The following LONRF2 variants were observed in gnomAD, a reference collection of about 807,000 sequenced individuals.
LONRF2 encodes LON peptidase N-terminal domain and ring finger 2.
A neutral mutation model predicts 66.6 loss-of-function variants in LONRF2; 35 were observed. The ratio of observed to expected loss-of-function variants is 0.53; its 90% CI spans 0.40 to 0.70. LONRF2 has a LOEUF of 0.70. LONRF2 is among the 30% of genes least tolerant of loss of function. The probability of loss-of-function intolerance (pLI) is 0.00; values close to 1 mark genes in which losing one functional copy is unlikely to be tolerated. For missense variants in LONRF2, 902 were observed against 1,002.1 expected, an observed-to-expected ratio of 0.90 and a Z score of 1.35; for synonymous variants, 417 against 418.1, an observed-to-expected ratio of 1.00 and a Z score of 0.03.
rs577680161 is a variant in LONRF2, at chr2:100,278,192, T to C, written c.*6106A>G. 1 of 152,166 alleles carries C rather than the reference T, an allele frequency of 6.6e-6. No individual in the cohort carries two copies. Among genetic ancestry groups the C allele is most frequent in the East Asian group, 1.9e-4 (1 of 5,192 alleles). 9.4% of individuals were successfully genotyped at this position (152,166 alleles called of 1,614,324 possible). A position where few individuals can be genotyped will look rare whatever the true frequency, so the allele number is the denominator to read the frequency against. ...TCTCTCTTAATTTAGGGCCTTTCGG[T>C]TGACTCACACCTCACACAAACTTTA... is the stretch of plus-strand genomic sequence containing the variant. On this transcript the variant is annotated 3_prime_UTR_variant, in exon 12 of 12. Coordinates refer to ENST00000393437, the MANE Select transcript of LONRF2 (RefSeq NM_198461.4).
chr2:100,289,860 C>T (rs543619234), intron 10 of LONRF2, among the ~76,000 whole-genome samples: 9 of 152,236 alleles, frequency 5.9e-5, no homozygotes, highest in East Asian at 1.9e-4. Context: ...GGGGCTACTA[C>T]ACTTTGGTTG....
Position 100,277,629 on chromosome 2 carries a change from T to TGG in LONRF2, c.*6667_*6668dup, listed in dbSNP as rs1218462139. The TGG allele has an allele frequency of 2.0e-5, 3 of 152,148 alleles. No individual in the cohort carries two copies. Among genetic ancestry groups the TGG allele is most frequent in the Non-Finnish European group, 4.4e-5 (3 of 68,042 alleles). 9.4% of individuals were successfully genotyped at this position (152,148 alleles called of 1,614,324 possible). ...GCATTGCCAACCCTCATATAAATGA[T>TGG]GGAGCCCAAGAGAATGTTGCTGCTT... On this transcript the variant is annotated 3_prime_UTR_variant, in exon 12 of 12. Coordinates refer to ENST00000393437, the MANE Select transcript of LONRF2 (RefSeq NM_198461.4).
chr2:100,315,019 A>T (rs1024081450), intron 1 of LONRF2, among the ~76,000 whole-genome samples: 3 of 152,210 alleles, frequency 2.0e-5, no homozygotes, highest in Non-Finnish European at 2.9e-5. Context: ...CACTGAATTT[A>T]CCATTCAATC....
rs535642654 is a variant in LONRF2, at chr2:100,284,141, T to C, written c.*157A>G. ...AGGTCAGATCCCACCAGACACAGAATTGTCATTTTTGAGGAGGACTCAATG... is the reference window on the plus strand; with the variant it reads ...AGGTCAGATCCCACCAGACACAGAACTGTCATTTTTGAGGAGGACTCAATG... On this transcript the variant is annotated 3_prime_UTR_variant, in exon 12 of 12. Transcript: ENST00000393437. 6.7e-5 allele frequency: 44 copies of C among 653,972 alleles called. No individual in the cohort carries two copies. The highest frequency in any genetic ancestry group is 5.5e-4 in the African/African-American group (30 of 54,264). 40.5% of individuals were successfully genotyped at this position (653,972 alleles called of 1,614,324 possible).
At chr2:100,290,623 T>C (rs1674940469) in intron 9 of LONRF2, among the ~76,000 whole-genome samples, 1 of 152,224 alleles carries the variant, frequency 6.6e-6, no homozygotes, top group Non-Finnish European at 1.5e-5. Flanking sequence ...TGATGGTGGC[T>C]GCAGGGGAAG....
rs992490191 is a variant in LONRF2, at chr2:100,284,339, T to C, written c.2224A>G (p.Ser742Gly). The change falls in exon 12 of 12, where the codon AGT (serine) becomes GGT (glycine). Residue 742 changes from serine (S) to glycine (G), a missense_variant. Ser to Gly is a moderately conservative substitution (Grantham distance 56, BLOSUM62 0). This residue lies in a region of LONRF2 where 317 missense variants were observed against 432.2 expected (regional missense o/e 0.73). Transcript: ENST00000393437. ...CTGGCATTAGCCAGCTCTTGCCGACTATTCATCTTACGCGTGATGATGACT... is the reference window on the plus strand; with the variant it reads ...CTGGCATTAGCCAGCTCTTGCCGACCATTCATCTTACGCGTGATGATGACT... Reference protein sequence around the residue: ...ILVIITRKMNSRQELANARER... With the variant: ...ILVIITRKMNGRQELANARER... 2 of 1,583,372 alleles carry C rather than the reference T, an allele frequency of 1.3e-6. No homozygotes were observed. The highest frequency in any genetic ancestry group is 2.7e-5 in the African/African-American group (2 of 74,482).
chr2:100,302,579 A>G (rs1675206646), intron 3 of LONRF2, among the ~76,000 whole-genome samples: 1 of 152,234 alleles, frequency 6.6e-6, no homozygotes, highest in African/African-American at 2.4e-5. Flanking sequence ...GTCACCCTAT[A>G]GAGCCGAATT....
Position 100,321,987 on chromosome 2 carries a change from G to A in LONRF2, c.107C>T (p.Ala36Val). Reference sequence around the variant, plus strand: ...CTCGGCTGCCATCTCGTAGTCGCCCGCGCGGAAGGCCTCGTCGCCCTCCTC... The same window carrying A: ...CTCGGCTGCCATCTCGTAGTCGCCCACGCGGAAGGCCTCGTCGCCCTCCTC... ...RLEEGDEAFRAGDYEMAAELF... is the reference protein window; with the variant it reads ...RLEEGDEAFRVGDYEMAAELF... Residue 36 changes from alanine to valine, a missense_variant, in exon 1 of 12, where the codon GCG becomes GTG. Ala to Val is a moderately conservative substitution (Grantham distance 64). Transcript: ENST00000393437. 8 of 1,462,586 alleles carry A rather than the reference G, an allele frequency of 5.5e-6. No individual in the cohort carries two copies. The highest frequency in any genetic ancestry group is 6.3e-6 in the Non-Finnish European group (7 of 1,108,770). 90.6% of individuals were successfully genotyped at this position (1,462,586 alleles called of 1,614,324 possible). A position where few individuals can be genotyped will look rare whatever the true frequency, so the allele number is the denominator to read the frequency against.
At position 100,283,095 on chromosome 2, in the gene LONRF2, A is replaced by C. The variant is rs1674773359; in HGVS notation, c.*1203T>G. Reference sequence around the variant, plus strand: ...GCACCAGCTGGTTGGGCCAGAGAGAACATATGAGTATCTCAGATTCAGTTA... The same window carrying C: ...GCACCAGCTGGTTGGGCCAGAGAGACCATATGAGTATCTCAGATTCAGTTA... On this transcript the variant is annotated 3_prime_UTR_variant, in exon 12 of 12. Transcript: ENST00000393437. 6.6e-6 allele frequency: 1 copy of C among 152,202 alleles called. No individual in the cohort carries two copies. Among genetic ancestry groups the C allele is most frequent in the Admixed American group, 6.5e-5 (1 of 15,286 alleles). 9.4% of individuals were successfully genotyped at this position (152,202 alleles called of 1,614,324 possible).
At chr2:100,303,453 C>T (rs957987611) in intron 2 of LONRF2, among the ~76,000 whole-genome samples, 2 of 152,202 alleles carry the variant, frequency 1.3e-5, no homozygotes, top group Non-Finnish European at 2.9e-5. Context: ...TCATAATATA[C>T]TAAGTGCCAC....
intron 1 of LONRF2, among the ~76,000 whole-genome samples, chr2:100,314,862 A>T (rs1675474831): frequency 6.6e-6 from 1 of 152,206 alleles, no homozygotes; most frequent in South Asian, 2.1e-4. Flanking sequence ...TTAAGCCAAT[A>T]CAATGCTGTC....
Position 100,275,309 on chromosome 2 carries a change from C to T in LONRF2, c.*8989G>A, listed in dbSNP as rs1674576376. On this transcript the variant is annotated 3_prime_UTR_variant, in exon 12 of 12. Coordinates refer to ENST00000393437, the MANE Select transcript of LONRF2 (RefSeq NM_198461.4). ...GTCTCAGGGCAATGACGGTAGCTCC[C>T]TCCACAAGGAGCAAGGAACGGCTTT... 6.6e-6 allele frequency: 1 copy of T among 152,256 alleles called. No individual in the cohort carries two copies. Among genetic ancestry groups the T allele is most frequent in the Non-Finnish European group, 1.5e-5 (1 of 68,084 alleles). 9.4% of individuals were successfully genotyped at this position (152,256 alleles called of 1,614,324 possible). A position where few individuals can be genotyped will look rare whatever the true frequency, so the allele number is the denominator to read the frequency against.
At chr2:100,290,717 A>T (rs780758313) in intron 9 of LONRF2, among the ~76,000 whole-genome samples, 2 of 152,136 alleles carry the variant, frequency 1.3e-5, no homozygotes, top group African/African-American at 4.8e-5. Flanking sequence ...GGAAGAGATG[A>T]AATCTCAAAT....
intron 3 of LONRF2, among the ~76,000 whole-genome samples, chr2:100,301,347 C>A (rs1050714005): frequency 1.3e-5 from 2 of 152,204 alleles, no homozygotes; most frequent in Non-Finnish European, 2.9e-5. Flanking sequence ...CCAATGCTAG[C>A]AGACACTCAA....
chr2:100,316,641 A>G lies in LONRF2; in HGVS notation c.679+4774T>C, dbSNP rs61429123. Among the ~76,000 whole-genome samples, 482 of 152,256 alleles carry G rather than the reference A, an allele frequency of 3.2e-3. 9 individuals are homozygous for G. The East Asian group carries it at 0.046, about 15-fold the overall frequency. The stretch of plus-strand genomic sequence containing the variant: ...ACAGGCCAACTCCAACGCTCTGCCT[A>G]TGGTCATGGGAGCCTAAATGGCTAT... On this transcript the variant is annotated intron_variant, in intron 1 of 11. Coordinates refer to ENST00000393437, the MANE Select transcript of LONRF2 (RefSeq NM_198461.4).
Position 100,300,713 on chromosome 2 carries a change from T to C in LONRF2, c.996A>G (p.Leu332=). The C allele has an allele frequency of 6.2e-7, 1 of 1,613,932 alleles. No individual in the cohort carries two copies. The highest frequency in any genetic ancestry group is 8.5e-7 in the Non-Finnish European group (1 of 1,179,932). ...TCATGTGGCTGTGACCCTGAGCCTT[T>C]AATCTGCTTTGGATGGAAGATGTTA... The part of the protein sequence containing the change: ...ENLTSSIQSR[L]KAQGHSHMNA... Residue 332 remains leucine (L), a synonymous_variant, in exon 4 of 12, where the codon TTA becomes TTG. Transcript: ENST00000393437.
rs534747657 is a variant in LONRF2, at chr2:100,284,324, C to T, written c.2239G>A (p.Ala747Thr). The change falls in exon 12 of 12, where the codon GCT (alanine) becomes ACT (threonine). Residue 747 changes from alanine to threonine, a missense_variant. Ala to Thr is a moderately conservative substitution (Grantham distance 58). This residue lies in a region of LONRF2 where 317 missense variants were observed against 432.2 expected (regional missense o/e 0.73). Transcript: ENST00000393437. ...TRKMNSRQELANARERNN is the reference protein window; with the variant it reads ...TRKMNSRQELTNARERNN ...CAATTATTTCTCTCCCTGGCATTAG[C>T]CAGCTCTTGCCGACTATTCATCTTA... 2 of 1,565,894 alleles carry T rather than the reference C, an allele frequency of 1.3e-6. No homozygotes were observed. The highest frequency in any genetic ancestry group is 1.3e-5 in the African/African-American group (1 of 74,184).
rs7601442 is a variant in LONRF2 at position 100,280,889 on chromosome 2, T to C, written c.*3409A>G. On this transcript the variant is annotated 3_prime_UTR_variant, in exon 12 of 12. Coordinates refer to ENST00000393437, the MANE Select transcript of LONRF2 (RefSeq NM_198461.4). ...ACTAAAAGAAATCACCCACATTTAT[T>C]TTCTTCTAATTTGCTATCACCTTTC... 1.3e-5 allele frequency: 2 copies of C among 152,076 alleles called. No homozygotes were observed. Among genetic ancestry groups the C allele is most frequent in the Admixed American group, 1.3e-4 (2 of 15,280 alleles). 9.4% of individuals were successfully genotyped at this position (152,076 alleles called of 1,614,324 possible). A position where few individuals can be genotyped will look rare whatever the true frequency, so the allele number is the denominator to read the frequency against.
intron 3 of LONRF2, among the ~76,000 whole-genome samples, chr2:100,301,761 T>G (rs1254233498): frequency 1.3e-5 from 2 of 152,262 alleles, no homozygotes; most frequent in Non-Finnish European, 2.9e-5. Context: ...GTGCTTCATC[T>G]CTTTGACCTT....
Sources: allele counts gnomAD v4.1 joint callset (sites outside exome capture counted in the v4.1 genomes callset), GRCh38; gene constraint gnomAD v4.1.1; regional missense constraint gnomAD v4.1.1; transcripts MANE v1.5; gene names NCBI Gene and HGNC (gene_info 2026-07-23, HGNC 2026-07-21).